Variants in FGF12 observed in about 807,000 individuals in gnomAD.
FGF12 encodes fibroblast growth factor 12B.
Under a neutral mutation model 23.6 loss-of-function variants are expected in FGF12, and 14 were observed. The ratio of observed to expected loss-of-function variants is 0.59; its 90% CI spans 0.39 to 0.93. The LOEUF is 0.93. Ranked by LOEUF, FGF12 falls within the 40% of genes least tolerant of loss-of-function variation. The probability of loss-of-function intolerance (pLI) is 0.00; values close to 1 mark genes in which losing one functional copy is unlikely to be tolerated. For synonymous variants in FGF12, 62 were observed against 77.3 expected, an observed-to-expected ratio of 0.80 and a Z score of 1.04; for missense variants, 175 against 217.8, an observed-to-expected ratio of 0.80 and a Z score of 1.24.
rs140101506 is a variant in FGF12, at chr3:192,569,053, T to C, written c.13+158128A>G. 2.1e-3 allele frequency among the ~76,000 whole-genome samples: 325 copies of C among 152,310 alleles called. 2 individuals carry two copies. The highest frequency in any genetic ancestry group is 7.4e-3 in the African/African-American group (307 of 41,560). ...GTACATGCGGAATAATCACCATGTC[T>C]AAAGATGCTAAAATGTGAAACCAAC... is the stretch of plus-strand genomic sequence containing the variant. On this transcript the variant is annotated intron_variant, in intron 2 of 5. Transcript: ENST00000445105.
chr3:192,698,509 C>T (rs1718194901), intron 2 of FGF12, among the ~76,000 whole-genome samples: 1 of 151,870 alleles, frequency 6.6e-6, no homozygotes, highest in Admixed American at 6.6e-5. Flanking sequence ...TACACAACAA[C>T]AATAATAAAA....
intron 2 of FGF12, among the ~76,000 whole-genome samples, chr3:192,378,026 T>TTTCCTTTCTTTCTTTCTTTC (rs1553804997): frequency 1.4e-5 from 1 of 69,442 alleles, no homozygotes; most frequent in Non-Finnish European, 2.7e-5. Flanking sequence ...TGACTCTTTC[T>TTTCCTTTCTTTCTTTCTTTC]TTTCTTTCTT....
chr3:192,296,062 C>CTTTTTTTTTTTTT (rs34021285), intron 4 of FGF12, among the ~76,000 whole-genome samples: 6 of 78,092 alleles, frequency 7.7e-5, no homozygotes, highest in Admixed American at 1.7e-4. Flanking sequence ...GTTTTTCTTT[C>CTTTTTTTTTTTTT]TTTTTTTTTT....
At chr3:192,389,506 C>T (rs1161843800) in intron 2 of FGF12, among the ~76,000 whole-genome samples, 1 of 152,150 alleles carries the variant, frequency 6.6e-6, no homozygotes, top group Non-Finnish European at 1.5e-5. Context: ...TTGTCTATTC[C>T]AGATTTTAAA....
At chr3:192,571,990 T>C (rs1712659075) in intron 2 of FGF12, among the ~76,000 whole-genome samples, 1 of 151,220 alleles carries the variant, frequency 6.6e-6, no homozygotes, top group Non-Finnish European at 1.5e-5. Flanking sequence ...GTGTTAGCAA[T>C]CCTCATACAT....
chr3:192,323,901 C>T (rs1009887393), intron 4 of FGF12, among the ~76,000 whole-genome samples: 4 of 151,694 alleles, frequency 2.6e-5, no homozygotes, highest in Non-Finnish European at 5.9e-5. Flanking sequence ...GACCAGCCTG[C>T]GCAACACAGT....
intron 2 of FGF12, among the ~76,000 whole-genome samples, chr3:192,577,508 G>A (rs1010545901): frequency 6.6e-5 from 10 of 152,180 alleles, no homozygotes; most frequent in African/African-American, 2.2e-4. Flanking sequence ...AATGCTATGT[G>A]CATTTTGGCA....
intron 2 of FGF12, among the ~76,000 whole-genome samples, chr3:192,476,167 G>A (rs984158341): frequency 3.3e-5 from 5 of 152,078 alleles, no homozygotes; most frequent in African/African-American, 1.2e-4. Context: ...TCACATGTGA[G>A]CTCTATATTT....
intron 2 of FGF12, among the ~76,000 whole-genome samples, chr3:192,486,420 A>G (rs1723635746): frequency 6.6e-6 from 1 of 152,088 alleles, no homozygotes; most frequent in Non-Finnish European, 1.5e-5. Flanking sequence ...TGGAGAGCAT[A>G]TTGCTTCAGA....
chr3:192,319,902 C>A (rs1410923686), intron 4 of FGF12, among the ~76,000 whole-genome samples: 1 of 151,944 alleles, frequency 6.6e-6, no homozygotes, highest in Non-Finnish European at 1.5e-5. Flanking sequence ...AAATCACCTC[C>A]ACTAAAAGAA....
At chr3:192,580,710 C>T (rs746332773) in intron 2 of FGF12, among the ~76,000 whole-genome samples, 3 of 152,184 alleles carry the variant, frequency 2.0e-5, no homozygotes, top group African/African-American at 7.2e-5. Flanking sequence ...CAGGTTCAAG[C>T]GATTCTCCTG....
At chr3:192,609,810 G>C (rs900228734) in intron 2 of FGF12, among the ~76,000 whole-genome samples, 6 of 151,952 alleles carry the variant, frequency 3.9e-5, no homozygotes, top group African/African-American at 1.4e-4. Flanking sequence ...AAAATATCAG[G>C]CACAAACCTA....
At chr3:192,294,343 AC>A (rs1475366311) in intron 4 of FGF12, among the ~76,000 whole-genome samples, 2 of 152,132 alleles carry the variant, frequency 1.3e-5, no homozygotes, top group Non-Finnish European at 2.9e-5. Flanking sequence ...GACATTTATG[AC>A]ATTTTTGAGA....
chr3:192,375,620 T>G (rs966198511), intron 2 of FGF12, among the ~76,000 whole-genome samples: 1 of 152,172 alleles, frequency 6.6e-6, no homozygotes, highest in Non-Finnish European at 1.5e-5. Context: ...TTATGATAGA[T>G]TTACAAACAT....
At chr3:192,689,193 C>G (rs761473624) in intron 2 of FGF12, among the ~76,000 whole-genome samples, 13 of 152,012 alleles carry the variant, frequency 8.6e-5, no homozygotes, top group Admixed American at 2.6e-4. Context: ...CTACAGGTAA[C>G]AACAATGTAT....
At chr3:192,432,529 T>C (rs895886231) in intron 2 of FGF12, among the ~76,000 whole-genome samples, 4 of 146,880 alleles carry the variant, frequency 2.7e-5, no homozygotes, top group African/African-American at 1.0e-4. Context: ...CTAATGGCCT[T>C]AAAGGAGAAA....
intron 2 of FGF12, among the ~76,000 whole-genome samples, chr3:192,526,736 C>T (rs1436067271): frequency 3.9e-5 from 6 of 152,094 alleles, no homozygotes; most frequent in African/African-American, 9.7e-5. Context: ...AAACTTTACC[C>T]GAGTTGCAGA....
At chr3:192,316,116 T>C (rs1716216199) in intron 4 of FGF12, among the ~76,000 whole-genome samples, 1 of 152,094 alleles carries the variant, frequency 6.6e-6, no homozygotes. Flanking sequence ...TCTCCCTCTG[T>C]GGTATTAAGA....
At chr3:192,594,203 A>C (rs879558462) in intron 2 of FGF12, among the ~76,000 whole-genome samples, 1 of 151,914 alleles carries the variant, frequency 6.6e-6, no homozygotes, top group Non-Finnish European at 1.5e-5. Flanking sequence ...AATGAATAGA[A>C]TGAGTGTCAT....
Sources: allele counts gnomAD v4.1 joint callset (sites outside exome capture counted in the v4.1 genomes callset), GRCh38; gene constraint gnomAD v4.1.1; transcripts MANE v1.5; gene names NCBI Gene and HGNC (gene_info 2026-07-23, HGNC 2026-07-21).